TBC1D4: variants seen among roughly 807,000 people sequenced by gnomAD.
The protein encoded by TBC1D4 is TBC (Tre-2, BUB2, CDC16) domain-containing protein.
A neutral mutation model predicts 142.5 loss-of-function variants in TBC1D4; 121 were observed. The ratio of observed to expected loss-of-function variants is 0.85; its 90% CI spans 0.73 to 0.99. TBC1D4 has a LOEUF of 0.99. Ranked by LOEUF, TBC1D4 falls within the 50% of genes least tolerant of loss-of-function variation. TBC1D4 has a pLI of 0.00. For missense variants in TBC1D4, 1,475 were observed against 1,606.6 expected (o/e 0.92, Z 1.40); for synonymous variants, 630 against 628.2 (o/e 1.00, Z -0.04).
intron 8 of TBC1D4, among the ~76,000 whole-genome samples, chr13:75,329,321 A>C (rs1879549617): frequency 6.6e-6 from 1 of 152,108 alleles, no homozygotes; most frequent in African/African-American, 2.4e-5. Flanking sequence ...AGCAAACACG[A>C]ATATATTACA....
At chr13:75,336,655 C>T (rs367683157) in intron 8 of TBC1D4, among the ~76,000 whole-genome samples, 3 of 152,032 alleles carry the variant, frequency 2.0e-5, no homozygotes, top group African/African-American at 7.2e-5. Flanking sequence ...GCAGGAGAAT[C>T]GCTTGAATGC....
intron 1 of TBC1D4, among the ~76,000 whole-genome samples, chr13:75,478,000 C>T (rs1466256087): frequency 1.3e-5 from 2 of 152,144 alleles, no homozygotes; most frequent in African/African-American, 4.8e-5. Context: ...TTGAATGCTT[C>T]TCCTGACACA....
chr13:75,434,654 C>T (rs536127447), intron 1 of TBC1D4, among the ~76,000 whole-genome samples: 46 of 150,910 alleles, frequency 3.0e-4, no homozygotes, highest in East Asian at 3.9e-4. Context: ...TAAAAGTTAA[C>T]GAAATAAATA....
At chr13:75,296,145 G>C (rs1207002187) in intron 17 of TBC1D4, among the ~76,000 whole-genome samples, 1 of 151,686 alleles carries the variant, frequency 6.6e-6, no homozygotes, top group Non-Finnish European at 1.5e-5. Context: ...GTAAATAAAA[G>C]GGAGTTAAAG....
At chr13:75,304,601 G>A (rs1876961947) in intron 15 of TBC1D4, among the ~76,000 whole-genome samples, 1 of 152,190 alleles carries the variant, frequency 6.6e-6, no homozygotes, top group African/African-American at 2.4e-5. Context: ...GGGGGCAGGG[G>A]TGGTGCTCTG....
At chr13:75,375,618 A>C (rs1475301318) in intron 1 of TBC1D4, 1 of 152,070 alleles carries the variant, frequency 6.6e-6, no homozygotes, top group Non-Finnish European at 1.5e-5. Flanking sequence ...TTAAATATCA[A>C]AGGTGCAGGT....
chr13:75,421,502 T>C (rs1008223387), intron 1 of TBC1D4, among the ~76,000 whole-genome samples: 1 of 152,234 alleles, frequency 6.6e-6, no homozygotes, highest in Admixed American at 6.5e-5. Flanking sequence ...CTTTGGAGTA[T>C]ATTTATACAT....
rs550002538 is a variant in TBC1D4 at position 75,410,136 on chromosome 13, C to T, written c.499-47529G>A. 7.2e-5 allele frequency among the ~76,000 whole-genome samples: 11 copies of T among 152,304 alleles called. No homozygotes were observed. The South Asian group carries it at 1.7e-3, about 23-fold the overall frequency. On this transcript the variant is annotated intron_variant, in intron 1 of 20. Coordinates refer to ENST00000377636, the MANE Select transcript of TBC1D4 (RefSeq NM_014832.5). ...TAATGTACGTAAATAACGGTGTATG[C>T]TCATGATAATCACTCAATAAATGGT... is the stretch of plus-strand genomic sequence containing the variant.
At chr13:75,326,148 C>T (rs1243028728) in intron 10 of TBC1D4, 49 bp downstream of exon 10, 2 of 1,599,282 alleles carry the variant, frequency 1.3e-6, no homozygotes, top group Non-Finnish European at 1.7e-6. Flanking sequence ...GTAATCAAAA[C>T]TGTGTGCCTT....
At chr13:75,296,233 A>T (rs1368905994) in intron 17 of TBC1D4, among the ~76,000 whole-genome samples, 1 of 152,110 alleles carries the variant, frequency 6.6e-6, no homozygotes. Context: ...TATTATCTCA[A>T]AAAATCATGT....
At position 75,349,355 on chromosome 13, in the gene TBC1D4, T is replaced by C. The variant is rs1460340062; in HGVS notation, c.1276-53A>G. 3.1e-6 allele frequency: 5 copies of C among 1,606,656 alleles called. No homozygotes were observed. The South Asian group carries it at 4.4e-5, about 14-fold the overall frequency. ...ATAAAAGTTGGCTTACATGGCAACATTCAACATTCAACAGCAATGTGAGCC... is the reference window on the plus strand; with the variant it reads ...ATAAAAGTTGGCTTACATGGCAACACTCAACATTCAACAGCAATGTGAGCC... On this transcript the variant is annotated intron_variant, in intron 4 of 20. Coordinates refer to ENST00000377636, the MANE Select transcript of TBC1D4 (RefSeq NM_014832.5).
In TBC1D4 at chr13:75,388,281, C is replaced by A. The variant is rs1884292456; in HGVS notation, c.499-25674G>T. Among the ~76,000 whole-genome samples, 4 of 152,244 alleles carry A rather than the reference C, an allele frequency of 2.6e-5. No homozygotes were observed. The South Asian group carries it at 8.3e-4, about 32-fold the overall frequency. On this transcript the variant is annotated intron_variant, in intron 1 of 20. Coordinates refer to ENST00000377636, the MANE Select transcript of TBC1D4 (RefSeq NM_014832.5). Reference sequence around the variant, plus strand: ...CTTCTGACATACAAGGTAATATATTCATAGGTTCCTGGGATGAAGGCAAGC... The same window carrying A: ...CTTCTGACATACAAGGTAATATATTAATAGGTTCCTGGGATGAAGGCAAGC...
At chr13:75,339,830 C>A (rs1880535750) in intron 7 of TBC1D4, among the ~76,000 whole-genome samples, 2 of 152,198 alleles carry the variant, frequency 1.3e-5, no homozygotes, top group Admixed American at 6.5e-5. Flanking sequence ...CCTCAGCCTC[C>A]CAAAGTGCTG....
At chr13:75,431,775 A>C (rs1487210638) in intron 1 of TBC1D4, among the ~76,000 whole-genome samples, 3 of 152,220 alleles carry the variant, frequency 2.0e-5, no homozygotes, top group Non-Finnish European at 4.4e-5. Context: ...ATGTTTCAGG[A>C]TCTGTACTGG....
At chr13:75,474,420 G>A (rs556987832) in intron 1 of TBC1D4, among the ~76,000 whole-genome samples, 2 of 152,192 alleles carry the variant, frequency 1.3e-5, no homozygotes, top group Admixed American at 6.5e-5. Context: ...TTAGCCAGGC[G>A]TGGTGGCGGG....
intron 16 of TBC1D4, among the ~76,000 whole-genome samples, chr13:75,300,663 A>G (rs1009303323): frequency 1.3e-5 from 2 of 152,250 alleles, no homozygotes; most frequent in African/African-American, 2.4e-5. Context: ...TTTCTCACTT[A>G]AAATTTTTAC....
chr13:75,361,084 G>A (rs75616393), intron 2 of TBC1D4, among the ~76,000 whole-genome samples: 128 of 152,254 alleles, frequency 8.4e-4, no homozygotes, highest in African/African-American at 2.9e-3. Flanking sequence ...TATTTTAAGC[G>A]GAACCTGACA....
chr13:75,410,689 C>T (rs1885603335), intron 1 of TBC1D4, among the ~76,000 whole-genome samples: 1 of 152,022 alleles, frequency 6.6e-6, no homozygotes, highest in Non-Finnish European at 1.5e-5. Flanking sequence ...GTAATCCCAG[C>T]ACTTTGGGAG....
At chr13:75,407,654 T>G (rs531157361) in intron 1 of TBC1D4, among the ~76,000 whole-genome samples, 1 of 151,946 alleles carries the variant, frequency 6.6e-6, no homozygotes, top group Non-Finnish European at 1.5e-5. Flanking sequence ...AGAGAACAGA[T>G]CTACAAGGCA....
Sources: gnomAD v4.1 joint callset for allele counts (sites outside exome capture counted in the v4.1 genomes callset) on GRCh38, gnomAD v4.1.1 for gene constraint, MANE v1.5 for transcripts, NCBI Gene and HGNC (gene_info 2026-07-23, HGNC 2026-07-21) for gene names.